ASIC2: variants seen among roughly 807,000 people sequenced by gnomAD.
The protein encoded by ASIC2 is acid sensing ion channel subunit 2.
In ASIC2, 25 loss-of-function variants were observed where a neutral mutation model predicts 57.3. The observed-to-expected ratio is 0.44, with a 90% CI of 0.32 to 0.61. The LOEUF (loss-of-function observed/expected upper bound fraction) is 0.61, where lower values mean the gene tolerates loss of function less well. Among genes scored for constraint, ASIC2 ranks in the 20% least tolerant of loss-of-function variants. ASIC2 has a pLI of 0.06. For synonymous variants in ASIC2, 319 were observed against 307.5 expected (o/e 1.04, Z -0.39); for missense variants, 641 against 738.1 (o/e 0.87, Z 1.52).
rs539195494 is a variant in ASIC2 at position 33,034,027 on chromosome 17, A to T, written c.988-5635T>A. ...AGAGAGGTGTACCCTCTCCACTGAG[A>T]GCTGCAGAGATGGCCTGCCAGCAGA... On this transcript the variant is annotated intron_variant, in intron 3 of 9. Coordinates refer to ENST00000225823, the MANE Select transcript of ASIC2 (RefSeq NM_183377.2). 2.6e-4 allele frequency among the ~76,000 whole-genome samples: 39 copies of T among 152,162 alleles called. No individual in the cohort carries two copies. In the Middle Eastern group the frequency reaches 0.01, roughly 40 times the overall value.
At chr17:33,792,824 A>G (rs1472077) in intron 1 of ASIC2, 106,010 of 152,006 alleles carry the variant, frequency 0.7, 37,881 homozygotes, top group Non-Finnish European at 0.78. Context: ...CAGAGAACAT[A>G]GGCTCAAGAG....
chr17:33,151,608 T>C (rs1303532455), intron 1 of ASIC2, among the ~76,000 whole-genome samples: 1 of 152,182 alleles, frequency 6.6e-6, no homozygotes, highest in African/African-American at 2.4e-5. Flanking sequence ...GGCTCTGCTC[T>C]CATGAATAAA....
At chr17:33,878,531 A>G (rs1914612046) in intron 1 of ASIC2, among the ~76,000 whole-genome samples, 1 of 152,230 alleles carries the variant, frequency 6.6e-6, no homozygotes, top group Non-Finnish European at 1.5e-5. Context: ...AATGAATGAA[A>G]TGAAGCAAGA....
intron 1 of ASIC2, among the ~76,000 whole-genome samples, chr17:33,412,560 A>T (rs1910700231): frequency 6.6e-6 from 1 of 152,248 alleles, no homozygotes; most frequent in Non-Finnish European, 1.5e-5. Context: ...GGAGAGGCAC[A>T]GTCAGAATTA....
intron 1 of ASIC2, among the ~76,000 whole-genome samples, chr17:33,847,708 T>C (rs1913649820): frequency 6.6e-6 from 1 of 152,154 alleles, no homozygotes; most frequent in Non-Finnish European, 1.5e-5. Flanking sequence ...AGCATGCCTG[T>C]TATCAAAGAT....
chr17:34,092,947 C>A (rs1438875125), intron 1 of ASIC2, among the ~76,000 whole-genome samples: 1 of 152,176 alleles, frequency 6.6e-6, no homozygotes, highest in African/African-American at 2.4e-5. Context: ...TCAATGGTAT[C>A]ATAAAATATG....
chr17:33,419,778 A>G (rs1414544153), intron 1 of ASIC2, among the ~76,000 whole-genome samples: 1 of 152,228 alleles, frequency 6.6e-6, no homozygotes, highest in Non-Finnish European at 1.5e-5. Flanking sequence ...ATAAAATATG[A>G]TTCATCAAAA....
intron 3 of ASIC2, among the ~76,000 whole-genome samples, chr17:33,082,845 C>CAT (rs1329614221): frequency 1.3e-4 from 20 of 152,264 alleles, no homozygotes; most frequent in African/African-American, 4.3e-4. Flanking sequence ...TGCAGTTTCA[C>CAT]ATATATTTAC....
At chr17:33,518,852 G>T (rs139197774) in intron 1 of ASIC2, among the ~76,000 whole-genome samples, 1 of 150,782 alleles carries the variant, frequency 6.6e-6, no homozygotes, top group East Asian at 1.9e-4. Context: ...ATGGAGTCTC[G>T]CTCTGTCACC....
intron 3 of ASIC2, among the ~76,000 whole-genome samples, chr17:33,071,065 C>T (rs370817461): frequency 1.4e-4 from 21 of 152,116 alleles, no homozygotes; most frequent in African/African-American, 4.1e-4. Flanking sequence ...TGAGCAATTT[C>T]GGTATGACTT....
At chr17:34,026,898 G>A (rs558348389) in intron 1 of ASIC2, among the ~76,000 whole-genome samples, 1 of 152,318 alleles carries the variant, frequency 6.6e-6, no homozygotes, top group South Asian at 2.1e-4. Context: ...GACTGCGTTA[G>A]AACCTTTCAG....
chr17:33,351,877 G>A (rs1415049003), intron 1 of ASIC2, among the ~76,000 whole-genome samples: 1 of 152,154 alleles, frequency 6.6e-6, no homozygotes. Context: ...GGATGGGGGA[G>A]TCGGAACCTC....
intron 1 of ASIC2, among the ~76,000 whole-genome samples, chr17:33,754,742 G>T (rs568411085): frequency 1.3e-5 from 2 of 152,122 alleles, no homozygotes; most frequent in East Asian, 3.9e-4. Context: ...AGATCACGAG[G>T]TCAGGAGATC....
intron 1 of ASIC2, among the ~76,000 whole-genome samples, chr17:33,999,339 G>C (rs953685871): frequency 6.6e-6 from 1 of 152,004 alleles, no homozygotes; most frequent in Non-Finnish European, 1.5e-5. Flanking sequence ...TTTTGATTGG[G>C]GCATTTAATC....
intron 1 of ASIC2, among the ~76,000 whole-genome samples, chr17:33,139,882 G>C (rs1409811348): frequency 6.6e-6 from 1 of 152,200 alleles, no homozygotes; most frequent in Non-Finnish European, 1.5e-5. Flanking sequence ...GTGTTCTAAT[G>C]CTAGTCCCTT....
intron 1 of ASIC2, among the ~76,000 whole-genome samples, chr17:33,151,208 C>G (rs1162653254): frequency 2.8e-5 from 4 of 144,362 alleles, no homozygotes; most frequent in African/African-American, 7.6e-5. Context: ...CACGCGCGCA[C>G]ACACACACAC....
chr17:33,026,240 C>G (rs963408091), intron 4 of ASIC2, among the ~76,000 whole-genome samples: 4 of 152,232 alleles, frequency 2.6e-5, no homozygotes, highest in African/African-American at 9.6e-5. Context: ...TGGCTAACTT[C>G]TCCCATGTTT....
chr17:33,200,389 A>T (rs1906811678), intron 1 of ASIC2, among the ~76,000 whole-genome samples: 1 of 151,922 alleles, frequency 6.6e-6, no homozygotes, highest in Admixed American at 6.6e-5. Flanking sequence ...GGCTCAGCCC[A>T]CTCCCTTAAC....
chr17:33,169,634 C>T (rs145478288), intron 1 of ASIC2, among the ~76,000 whole-genome samples: 218 of 152,314 alleles, frequency 1.4e-3, no homozygotes, highest in African/African-American at 5.0e-3. Flanking sequence ...TCTCAAAATG[C>T]CACCCAGAGG....
Sources: allele counts gnomAD v4.1 joint callset (sites outside exome capture counted in the v4.1 genomes callset), GRCh38; gene constraint gnomAD v4.1.1; transcripts MANE v1.5; gene names NCBI Gene and HGNC (gene_info 2026-07-23, HGNC 2026-07-21).